Variants in PLEKHG1 observed in about 807,000 individuals in gnomAD.
The protein encoded by PLEKHG1 is pleckstrin homology and RhoGEF domain containing G1.
A neutral mutation model predicts 100.8 loss-of-function variants in PLEKHG1; 44 were observed. That is an observed-to-expected ratio of 0.44 (90% CI 0.34 to 0.56). The LOEUF is 0.56. PLEKHG1 is among the 20% of genes least tolerant of loss of function. The probability of loss-of-function intolerance (pLI) is 0.01; values close to 1 mark genes in which losing one functional copy is unlikely to be tolerated. For missense variants in PLEKHG1, 1,545 were observed against 1,720.9 expected (o/e 0.90, Z 1.81); for synonymous variants, 640 against 662.5 (o/e 0.97, Z 0.52).
chr6:150,662,025 G>C (rs987066837), intron 3 of PLEKHG1, among the ~76,000 whole-genome samples: 1 of 152,134 alleles, frequency 6.6e-6, no homozygotes, highest in Non-Finnish European at 1.5e-5. Context: ...CCTGAGGGAG[G>C]GGAGGGAGAG....
intron 4 of PLEKHG1, among the ~76,000 whole-genome samples, chr6:150,790,239 C>A (rs1785891525): frequency 6.6e-6 from 1 of 152,262 alleles, no homozygotes; most frequent in Middle Eastern, 3.4e-3. Flanking sequence ...GTTGGTCAGG[C>A]TGGTCTTGAA....
intron 3 of PLEKHG1, among the ~76,000 whole-genome samples, chr6:150,699,157 G>A (rs886443453): frequency 6.6e-6 from 1 of 152,166 alleles, no homozygotes; most frequent in Admixed American, 6.5e-5. Context: ...TTATTGTCGG[G>A]GGAAACTGAG....
At chr6:150,821,687 AAAT>A in intron 13 of PLEKHG1, among the ~76,000 whole-genome samples, 1 of 152,060 alleles carries the variant, frequency 6.6e-6, no homozygotes, top group Non-Finnish European at 1.5e-5. Flanking sequence ...GTGTCACAAA[AAAT>A]AATAATAATA....
intron 1 of PLEKHG1, among the ~76,000 whole-genome samples, chr6:150,621,375 ATTT>A (rs111639263): frequency 1.4e-5 from 2 of 141,434 alleles, no homozygotes; most frequent in Non-Finnish European, 3.1e-5. Context: ...GCACAAATCA[ATTT>A]TTTTTTTTTT....
intron 3 of PLEKHG1, among the ~76,000 whole-genome samples, chr6:150,657,986 C>T (rs950262108): frequency 6.6e-6 from 1 of 152,174 alleles, no homozygotes; most frequent in Non-Finnish European, 1.5e-5. Context: ...ACCAGATTCC[C>T]CAAGCTTAAG....
chr6:150,784,695 AC>A (rs1459654159), intron 3 of PLEKHG1, among the ~76,000 whole-genome samples: 1 of 152,192 alleles, frequency 6.6e-6, no homozygotes, highest in Non-Finnish European at 1.5e-5. Context: ...ATATTTGAAC[AC>A]AGTGAGACAA....
intron 5 of PLEKHG1, among the ~76,000 whole-genome samples, chr6:150,796,404 G>A (rs1786335651): frequency 6.6e-6 from 1 of 152,120 alleles, no homozygotes. Flanking sequence ...TCGTCATCTC[G>A]CCTGGGTTGT....
At chr6:150,776,408 C>T (rs1332744177) in intron 3 of PLEKHG1, among the ~76,000 whole-genome samples, 5 of 151,668 alleles carry the variant, frequency 3.3e-5, no homozygotes, top group African/African-American at 1.2e-4. Context: ...TGTGCAGTTG[C>T]ACATTACTCA....
chr6:150,828,366 C>T (rs1024353208), intron 14 of PLEKHG1: 47 of 1,609,434 alleles, frequency 2.9e-5, no homozygotes, highest in Non-Finnish European at 3.6e-5. Context: ...AGAGGGACAG[C>T]GATTCCAAGG....
rs867339260 is a variant in PLEKHG1 at position 150,794,989 on chromosome 6, T to A, written c.583-867T>A. On this transcript the variant is annotated intron_variant, in intron 4 of 15. Transcript: ENST00000358517. The stretch of plus-strand genomic sequence containing the variant: ...TGAAAAATAGGCACTTAGAGTCACA[T>A]GTGAATCTTAGACCACATTAAGTGG... Among the ~76,000 whole-genome samples, 8 of 152,156 alleles carry A rather than the reference T, an allele frequency of 5.3e-5. No homozygotes were observed. The South Asian group carries it at 1.7e-3, about 32-fold the overall frequency.
At chr6:150,718,890 C>CAA (rs111800365), upstream of PLEKHG1, among the ~76,000 whole-genome samples, 699 of 144,130 alleles carry the variant, frequency 4.8e-3, 7 homozygotes, top group African/African-American at 0.015. Flanking sequence ...AATATAAAGG[C>CAA]AAAAAAAAAA....
In PLEKHG1 at chr6:150,830,787, A is replaced by T. The variant is rs201823980; in HGVS notation, c.1676A>T (p.Tyr559Phe). The T allele has an allele frequency of 1.9e-5, 30 of 1,614,116 alleles. No homozygotes were observed. In the Admixed American group the frequency reaches 5.0e-4, roughly 27 times the overall value. The change falls in exon 15 of 16, where the codon TAT becomes TTT. Residue 559 changes from tyrosine (Y) to phenylalanine (F), a missense_variant. Coordinates refer to ENST00000358517, the Ensembl canonical transcript of PLEKHG1. Reference sequence around the variant, plus strand: ...GAGAATGAGGATGATGAAGATGATTATCAGATGTTCGTGCCGTCATTTTCC... The same window carrying T: ...GAGAATGAGGATGATGAAGATGATTTTCAGATGTTCGTGCCGTCATTTTCC...
intron 4 of PLEKHG1, among the ~76,000 whole-genome samples, chr6:150,795,111 A>G (rs1786239223): frequency 6.6e-6 from 1 of 152,112 alleles, no homozygotes; most frequent in African/African-American, 2.4e-5. Context: ...TTTCAAGGCC[A>G]GGCATAGTGG....
intron 1 of PLEKHG1, 139 bp from the exon 3 acceptor site, chr6:150,733,445 C>A: frequency 1.5e-6 from 1 of 660,782 alleles, no homozygotes; most frequent in Non-Finnish European, 2.4e-6. Flanking sequence ...CACTCCACCA[C>A]AGGTACCTTT....
chr6:150,835,751 A>G (rs931424486), intron 15 of PLEKHG1, among the ~76,000 whole-genome samples: 1 of 152,146 alleles, frequency 6.6e-6, no homozygotes, highest in Non-Finnish European at 1.5e-5. Flanking sequence ...TCTTGTTCAC[A>G]TAGATGTCAC....
chr6:150,840,515 C>T, exon 16 of PLEKHG1: 1 of 1,614,038 alleles, frequency 6.2e-7, no homozygotes, highest in Non-Finnish European at 8.5e-7. Flanking sequence ...CCTTAAATGC[C>T]CAAATTGCAA....
chr6:150,684,494 G>A (rs1780046333), intron 3 of PLEKHG1, among the ~76,000 whole-genome samples: 1 of 152,162 alleles, frequency 6.6e-6, no homozygotes, highest in Non-Finnish European at 1.5e-5. Context: ...TATGCTGTCT[G>A]GTGGCTGATG....
chr6:150,701,464 T>TAA (rs1221575769), intron 3 of PLEKHG1, among the ~76,000 whole-genome samples: 54 of 85,812 alleles, frequency 6.3e-4, no homozygotes, highest in African/African-American at 6.0e-3. Context: ...TATATATATA[T>TAA]ATAATTATAC....
At chr6:150,726,876 T>C (rs1370277967) in intron 1 of PLEKHG1, among the ~76,000 whole-genome samples, 1 of 152,342 alleles carries the variant, frequency 6.6e-6, no homozygotes, top group East Asian at 1.9e-4. Flanking sequence ...CTCAAATACC[T>C]AGTGTCATCT....
Sources: allele counts gnomAD v4.1 joint callset (sites outside exome capture counted in the v4.1 genomes callset), GRCh38; gene constraint gnomAD v4.1.1; transcripts MANE v1.5; gene names NCBI Gene and HGNC (gene_info 2026-07-23, HGNC 2026-07-21).